DNAH9: variants seen among roughly 807,000 people sequenced by gnomAD.
DNAH9 encodes dynein axonemal heavy chain 9, also known as DNAH9 variant protein.
Under a neutral mutation model 471.6 loss-of-function variants are expected in DNAH9, and 345 were observed. That is an observed-to-expected ratio of 0.73 (90% confidence interval 0.67 to 0.80). DNAH9 has a LOEUF of 0.80. Ranked by LOEUF, DNAH9 falls within the 30% of genes least tolerant of loss-of-function variation. The pLI, the probability that DNAH9 is intolerant of heterozygous loss-of-function variation, is 0.00. For missense variants in DNAH9, 5,407 were observed against 5,609.2 expected (o/e 0.96, Z 1.15); for synonymous variants, 2,093 against 2,123.6 (o/e 0.99, Z 0.40).
chr17:11,599,606 A>G (rs2072342131), intron 1 of DNAH9, among the ~76,000 whole-genome samples: 1 of 152,194 alleles, frequency 6.6e-6, no homozygotes, highest in African/African-American at 2.4e-5. Flanking sequence ...GATGTGGGTC[A>G]TGAGTGCTTT....
At chr17:11,648,200 C>T in intron 12 of DNAH9, among the ~76,000 whole-genome samples, 1 of 152,174 alleles carries the variant, frequency 6.6e-6, no homozygotes, top group East Asian at 1.9e-4. Flanking sequence ...CAGGAATGCA[C>T]TATAGATTGA....
In DNAH9 at chr17:11,854,481, C is replaced by T. The variant is rs374565440; in HGVS notation, c.9933+53C>T. ...GCTAGTCCGCCTCCAATACAAACAA[C>T]GCTCTTCAGACACCATCTAACACCT... On this transcript the variant is annotated intron_variant, in intron 50 of 68. Coordinates refer to ENST00000262442, the MANE Select transcript of DNAH9 (RefSeq NM_001372.4). 5.5e-4 allele frequency: 848 copies of T among 1,541,094 alleles called. 10 individuals are homozygous for T. The South Asian group carries it at 9.5e-3, about 17-fold the overall frequency.
intron 50 of DNAH9, among the ~76,000 whole-genome samples, chr17:11,867,005 C>G (rs1022262881): frequency 4.6e-5 from 7 of 152,236 alleles, no homozygotes; most frequent in African/African-American, 1.7e-4. Flanking sequence ...TGCTTCAGCT[C>G]GCGCATGGTG....
chr17:11,609,697 T>C (rs998491142), intron 2 of DNAH9, among the ~76,000 whole-genome samples: 4 of 152,234 alleles, frequency 2.6e-5, no homozygotes, highest in Non-Finnish European at 4.4e-5. Context: ...GACCAAAATG[T>C]ATTAAAAAAA....
intron 36 of DNAH9, among the ~76,000 whole-genome samples, chr17:11,767,008 AC>A (rs1278490126): frequency 6.6e-6 from 1 of 151,426 alleles, no homozygotes; most frequent in Non-Finnish European, 1.5e-5. Flanking sequence ...AAAAGAAAGG[AC>A]CACTGGACTG....
At chr17:11,688,646 T>A (rs751083981) in intron 19 of DNAH9, among the ~76,000 whole-genome samples, 5 of 152,170 alleles carry the variant, frequency 3.3e-5, no homozygotes, top group Non-Finnish European at 7.4e-5. Context: ...CCCCAGTGGT[T>A]CTGATTTAGT....
chr17:11,965,185 G>C (rs1267246080), intron 68 of DNAH9, among the ~76,000 whole-genome samples: 4 of 152,218 alleles, frequency 2.6e-5, no homozygotes, highest in Admixed American at 2.0e-4. Flanking sequence ...CTGTGGACAT[G>C]CTCAAGAGAG....
At chr17:11,898,067 G>T (rs1973274817) in intron 59 of DNAH9, among the ~76,000 whole-genome samples, 2 of 151,862 alleles carry the variant, frequency 1.3e-5, no homozygotes, top group Admixed American at 1.3e-4. Context: ...TCTTCACATG[G>T]CTGTCTGGCT....
intron 68 of DNAH9, among the ~76,000 whole-genome samples, chr17:11,967,706 C>A (rs1359141396): frequency 6.6e-6 from 1 of 152,082 alleles, no homozygotes; most frequent in African/African-American, 2.4e-5. Context: ...CCACAAAAGA[C>A]ACGTTTTAGA....
chr17:11,749,603 TTC>T (rs1458362766), intron 32 of DNAH9, among the ~76,000 whole-genome samples: 1 of 151,926 alleles, frequency 6.6e-6, no homozygotes, highest in Non-Finnish European at 1.5e-5. Flanking sequence ...TCAAAAAAGA[TTC>T]TTTTTACATT....
At chr17:11,837,729 G>A (rs571554858) in intron 49 of DNAH9, among the ~76,000 whole-genome samples, 15 of 152,278 alleles carry the variant, frequency 9.9e-5, no homozygotes, top group Non-Finnish European at 1.5e-4. Flanking sequence ...AATAAAACCC[G>A]AAGATGTCAC....
At chr17:11,844,637 C>T (rs8075707) in intron 49 of DNAH9, among the ~76,000 whole-genome samples, 78,673 of 151,936 alleles carry the variant, frequency 0.52, 20,980 homozygotes, top group African/African-American at 0.56. Flanking sequence ...AAACTCCTGA[C>T]CTTGTGATCC....
intron 14 of DNAH9, among the ~76,000 whole-genome samples, chr17:11,658,949 T>C (rs1468886491): frequency 6.6e-6 from 1 of 152,200 alleles, no homozygotes; most frequent in Non-Finnish European, 1.5e-5. Context: ...TATCTTCTAC[T>C]TTTATTTTCT....
In DNAH9 at chr17:11,598,598, A is replaced by G. The variant is rs978924136; in HGVS notation, c.100A>G (p.Met34Val). 8 of 1,339,424 alleles carry G rather than the reference A, an allele frequency of 6.0e-6. No individual in the cohort carries two copies. Among genetic ancestry groups the G allele is most frequent in the Admixed American group, 4.0e-5 (1 of 24,996 alleles). The allele number at this position is 1,339,424 out of a possible 1,614,324, so 83.0% of individuals were successfully genotyped here. The change falls in exon 1 of 69, where the codon ATG becomes GTG. Residue 34 changes from methionine to valine, a missense_variant. Physicochemically the swap from Met to Val is conservative, Grantham distance 21. This residue lies in a region of DNAH9 where 767 missense variants were observed against 692.5 expected (regional missense o/e 1.11). Coordinates refer to ENST00000262442, the MANE Select transcript of DNAH9 (RefSeq NM_001372.4). ...RLRLLGTYVAMSLRPAAGAWE... is the reference protein window; with the variant it reads ...RLRLLGTYVAVSLRPAAGAWE... The stretch of plus-strand genomic sequence containing the variant: ...GCGACTCCTGGGGACCTACGTGGCC[A>G]TGAGCCTGCGGCCGGCTGCGGGCGC...
chr17:11,945,614 G>A (rs889800785), intron 67 of DNAH9, among the ~76,000 whole-genome samples: 7 of 151,982 alleles, frequency 4.6e-5, no homozygotes, highest in African/African-American at 1.7e-4. Context: ...CATACAAAGT[G>A]GAATAACCAA....
chr17:11,807,655 C>A lies in DNAH9; in HGVS notation c.8421-77C>A, dbSNP rs1323032341. ...GTGCCTCCAAGGAAGGCCCCTGCTCCCACTCAAGCCTTTATACATGCTTCT... is the reference window on the plus strand; with the variant it reads ...GTGCCTCCAAGGAAGGCCCCTGCTCACACTCAAGCCTTTATACATGCTTCT... On this transcript the variant is annotated intron_variant, in intron 43 of 68. Coordinates refer to ENST00000262442, the MANE Select transcript of DNAH9 (RefSeq NM_001372.4). The A allele has an allele frequency of 4.0e-6, 6 of 1,483,226 alleles. No individual in the cohort carries two copies. In the Admixed American group the frequency reaches 1.1e-4, roughly 28 times the overall value. The allele number at this position is 1,483,226 out of a possible 1,614,324, so 91.9% of individuals were successfully genotyped here.
chr17:11,740,044 G>A (rs1039172524), intron 29 of DNAH9, among the ~76,000 whole-genome samples: 7 of 152,156 alleles, frequency 4.6e-5, no homozygotes, highest in East Asian at 3.8e-4. Context: ...TTCCCGTGTC[G>A]CTGGGGTGAC....
chr17:11,776,692 A>G (rs770137511), intron 38 of DNAH9, among the ~76,000 whole-genome samples: 11 of 152,240 alleles, frequency 7.2e-5, no homozygotes, highest in Non-Finnish European at 1.3e-4. Flanking sequence ...CTTAATTTTC[A>G]TAATAGAACG....
chr17:11,629,222 A>T (rs937222706), intron 6 of DNAH9, among the ~76,000 whole-genome samples, 195 bp from the exon 7 acceptor site: 1 of 151,550 alleles, frequency 6.6e-6, no homozygotes, highest in African/African-American at 2.4e-5. Context: ...AGCATTAGGT[A>T]TATCTCCTAA....
Sources: gnomAD v4.1 joint callset for allele counts (sites outside exome capture counted in the v4.1 genomes callset) on GRCh38, gnomAD v4.1.1 for gene constraint, gnomAD v4.1.1 regional missense constraint, MANE v1.5 for transcripts, NCBI Gene and HGNC (gene_info 2026-07-23, HGNC 2026-07-21) for gene names.